The following STK38 variants were observed in gnomAD, a reference collection of about 807,000 sequenced individuals.
The protein encoded by STK38 is serine/threonine kinase 38, also known as serine/threonine-protein kinase 38.
In STK38, 26 loss-of-function variants were observed where a neutral mutation model predicts 59.0. That is an observed-to-expected ratio of 0.44 (90% CI 0.32 to 0.61). The LOEUF is 0.61. STK38 is among the 20% of genes least tolerant of loss of function. The pLI, the probability that STK38 is intolerant of heterozygous loss-of-function variation, is 0.04. For synonymous variants in STK38, 175 were observed against 176.6 expected, an observed-to-expected ratio of 0.99 and a Z score of 0.07; for missense variants, 433 against 566.0, an observed-to-expected ratio of 0.76 and a Z score of 2.38.
intron 11 of STK38, 63 bp from the exon 12 acceptor site, chr6:36,497,938 C>CTT (rs147832342): frequency 4.1e-3 from 2,707 of 653,936 alleles, no homozygotes; most frequent in Non-Finnish European, 4.9e-3. Context: ...GAAAAACTTT[C>CTT]TTTTTTTTTT....
chr6:36,524,927 T>C (rs1777474270), intron 3 of STK38, among the ~76,000 whole-genome samples: 1 of 152,240 alleles, frequency 6.6e-6, no homozygotes, highest in African/African-American at 2.4e-5. Context: ...TGAAGGCATT[T>C]CCACTACCAT....
chr6:36,509,870 C>G (rs1026635788), intron 7 of STK38, among the ~76,000 whole-genome samples: 1 of 152,148 alleles, frequency 6.6e-6, no homozygotes, highest in African/African-American at 2.4e-5. Flanking sequence ...CTTAGGAGAC[C>G]CGGAGTAGAT....
chr6:36,546,528 G>C (rs753903537), intron 1 of STK38, among the ~76,000 whole-genome samples: 1 of 152,154 alleles, frequency 6.6e-6, no homozygotes, highest in African/African-American at 2.4e-5. Flanking sequence ...GTTTCTCTCC[G>C]AGTCTTTTAG....
intron 1 of STK38, among the ~76,000 whole-genome samples, chr6:36,542,526 T>TA (rs544072075): frequency 2.9e-4 from 44 of 152,244 alleles, no homozygotes; most frequent in Non-Finnish European, 5.4e-4. Flanking sequence ...CACACACCAG[T>TA]AGTCCTAGCT....
intron 5 of STK38, among the ~76,000 whole-genome samples, chr6:36,519,471 A>G (rs1006083429): frequency 6.6e-6 from 1 of 152,138 alleles, no homozygotes; most frequent in African/African-American, 2.4e-5. Context: ...GCCAGAGAAA[A>G]GGAGAGGCAC....
At chr6:36,546,549 A>G (rs963342900) in intron 1 of STK38, among the ~76,000 whole-genome samples, 1 of 152,202 alleles carries the variant, frequency 6.6e-6, no homozygotes, top group Admixed American at 6.5e-5. Context: ...TCGTTTCAGA[A>G]TGAACTGAGA....
At chr6:36,504,490 G>C (rs533598419) in intron 9 of STK38, among the ~76,000 whole-genome samples, 1 of 152,096 alleles carries the variant, frequency 6.6e-6, no homozygotes, top group Non-Finnish European at 1.5e-5. Context: ...CTAACAAAAG[G>C]TCAAAGTAAC....
In STK38 at chr6:36,515,325, G is replaced by GC. The variant is rs751339170; in HGVS notation, c.669+12dup. The GC allele has an allele frequency of 2.2e-5, 35 of 1,612,766 alleles. No individual in the cohort carries two copies. Among genetic ancestry groups the GC allele is most frequent in the South Asian group, 7.7e-5 (7 of 90,992 alleles). On this transcript the variant is annotated intron_variant, in intron 7 of 13. Coordinates refer to ENST00000229812, the MANE Select transcript of STK38 (RefSeq NM_007271.4). Reference sequence around the variant, plus strand: ...GTAAACGTGCATAGTTCATGCCAATGCCCCCCCAATACCTTGCTGTCCAAA... The same window carrying GC: ...GTAAACGTGCATAGTTCATGCCAATGCCCCCCCCAATACCTTGCTGTCCAAA...
At chr6:36,511,729 AT>A (rs1410454791) in intron 7 of STK38, among the ~76,000 whole-genome samples, 1 of 152,034 alleles carries the variant, frequency 6.6e-6, no homozygotes, top group African/African-American at 2.4e-5. Flanking sequence ...TCATGATTAC[AT>A]ATCTTACCTG....
chr6:36,542,786 A>C (rs1379752077), intron 1 of STK38, among the ~76,000 whole-genome samples: 1 of 151,936 alleles, frequency 6.6e-6, no homozygotes, highest in Non-Finnish European at 1.5e-5. Flanking sequence ...TCTCTACTAA[A>C]AACACAAAAA....
rs201572548 is a variant in STK38, at chr6:36,534,651, T to TA, written c.131+5420dup. Among the ~76,000 whole-genome samples, 616 of 150,290 alleles carry TA rather than the reference T, an allele frequency of 4.1e-3. 5 individuals carry two copies. Among genetic ancestry groups the TA allele is most frequent in the African/African-American group, 0.014 (555 of 40,998 alleles). On this transcript the variant is annotated intron_variant, in intron 2 of 13. Coordinates refer to ENST00000229812, the MANE Select transcript of STK38 (RefSeq NM_007271.4). ...CTGGGTTAAAGCAAGACCCTGTCTC[T>TA]AAAAAAAAACAATAAAAAAATTTTT...
chr6:36,511,418 G>A (rs7745411), intron 7 of STK38, among the ~76,000 whole-genome samples: 34,561 of 151,116 alleles, frequency 0.23, 4,121 homozygotes, highest in East Asian at 0.39. Context: ...GTGCAGTGGC[G>A]CCATCTTGGC....
intron 9 of STK38, among the ~76,000 whole-genome samples, chr6:36,503,333 T>C (rs1002986873): frequency 6.6e-6 from 1 of 152,210 alleles, no homozygotes. Context: ...GATATTGCCC[T>C]GTATTTTCTT....
intron 10 of STK38, 81 bp downstream of exon 10, chr6:36,499,792 C>A (rs369676737): frequency 8.9e-7 from 1 of 1,117,852 alleles, no homozygotes; most frequent in African/African-American, 1.5e-5. Flanking sequence ...TAGATCACTG[C>A]CAATTGAAAC....
intron 2 of STK38, among the ~76,000 whole-genome samples, chr6:36,530,667 T>C (rs1282015566): frequency 6.8e-6 from 1 of 146,104 alleles, no homozygotes; most frequent in African/African-American, 2.5e-5. Flanking sequence ...ACACCCGGCC[T>C]TTTTCCTTTT....
intron 1 of STK38, among the ~76,000 whole-genome samples, chr6:36,545,495 T>C (rs957791135): frequency 6.6e-6 from 1 of 152,092 alleles, no homozygotes; most frequent in Non-Finnish European, 1.5e-5. Flanking sequence ...TTTTAGAGTT[T>C]CTAATATAAT....
Position 36,525,126 on chromosome 6 carries a change from G to A in STK38, c.183+465C>T, listed in dbSNP as rs933448236. On this transcript the variant is annotated intron_variant, in intron 3 of 13. Coordinates refer to ENST00000229812, the MANE Select transcript of STK38 (RefSeq NM_007271.4). ...ATTAGGACAAATACCTCATGCATGC[G>A]GAGCTTAAAACCTAGATGACAGGTT... Among the ~76,000 whole-genome samples the A allele has an allele frequency of 1.2e-4, 19 of 152,082 alleles. 1 individual carries two copies. The highest frequency in any genetic ancestry group is 4.4e-4 in the African/African-American group (18 of 41,364).
chr6:36,498,232 T>C, intron 11 of STK38, 131 bp downstream of exon 11: 1 of 1,308,772 alleles, frequency 7.6e-7, no homozygotes, highest in South Asian at 1.5e-5. Context: ...ATGCACAGCC[T>C]TTTTATTTGT....
At chr6:36,505,399 T>C (rs1398322139) in intron 9 of STK38, among the ~76,000 whole-genome samples, 1 of 152,204 alleles carries the variant, frequency 6.6e-6, no homozygotes, top group East Asian at 1.9e-4. Flanking sequence ...AACTGAAGAT[T>C]TCCCAAGTAA....
Sources: allele counts gnomAD v4.1 joint callset (sites outside exome capture counted in the v4.1 genomes callset), GRCh38; gene constraint gnomAD v4.1.1; transcripts MANE v1.5; gene names NCBI Gene and HGNC (gene_info 2026-07-23, HGNC 2026-07-21).